EMB: variants seen among roughly 807,000 people sequenced by gnomAD.
EMB encodes embigin homolog.
Under a neutral mutation model 41.4 loss-of-function variants are expected in EMB, and 31 were observed. That is an observed-to-expected ratio of 0.75 (90% CI 0.56 to 1.01). The LOEUF (loss-of-function observed/expected upper bound fraction) is 1.01, where lower values mean the gene tolerates loss of function less well. Ranked by LOEUF, EMB falls within the 50% of genes least tolerant of loss-of-function variation. The pLI, the probability that EMB is intolerant of heterozygous loss-of-function variation, is 0.00. For missense variants in EMB, 379 were observed against 388.3 expected (o/e 0.98, Z 0.20); for synonymous variants, 137 against 140.4 (o/e 0.98, Z 0.17).
intron 2 of EMB, among the ~76,000 whole-genome samples, chr5:50,414,602 T>C (rs1245587046): frequency 6.8e-6 from 1 of 146,896 alleles, no homozygotes; most frequent in Admixed American, 6.8e-5. Context: ...AATGCTTCCA[T>C]AAGCAAGGAC....
intron 8 of EMB, among the ~76,000 whole-genome samples, chr5:50,399,493 TA>T (rs1396857235): frequency 1.3e-5 from 2 of 151,930 alleles, no homozygotes; most frequent in Non-Finnish European, 2.9e-5. Flanking sequence ...CATAAGTTTA[TA>T]CCCCCAAATA....
At chr5:50,426,367 T>C (rs1214701275) in intron 2 of EMB, among the ~76,000 whole-genome samples, 2 of 152,226 alleles carry the variant, frequency 1.3e-5, no homozygotes, top group African/African-American at 4.8e-5. Context: ...ACAAACATGG[T>C]ACATAGTCAA....
chr5:50,409,347 G>T (rs569522311), intron 4 of EMB, among the ~76,000 whole-genome samples: 2 of 151,912 alleles, frequency 1.3e-5, no homozygotes, highest in South Asian at 4.2e-4. Flanking sequence ...TTGAAAGCAG[G>T]TATGACTAGT....
intron 1 of EMB, among the ~76,000 whole-genome samples, chr5:50,430,003 T>A (rs62365899): frequency 0.46 from 66,290 of 143,050 alleles, 15,529 homozygotes; most frequent in African/African-American, 0.53. Flanking sequence ...TCTCTCTCTC[T>A]CTCACACACA....
chr5:50,440,726 C>A (rs962751497), intron 1 of EMB, among the ~76,000 whole-genome samples: 6 of 152,096 alleles, frequency 3.9e-5, no homozygotes, highest in African/African-American at 1.4e-4. Context: ...CACCCACACA[C>A]CCCACTGCCT....
intron 1 of EMB, among the ~76,000 whole-genome samples, chr5:50,439,516 G>C (rs1745861050): frequency 6.7e-6 from 1 of 149,962 alleles, no homozygotes. Flanking sequence ...TAATAAAGAA[G>C]GGACCTTGCT....
intron 1 of EMB, among the ~76,000 whole-genome samples, chr5:50,437,329 G>C (rs546129013): frequency 6.6e-6 from 1 of 152,280 alleles, no homozygotes; most frequent in East Asian, 1.9e-4. Flanking sequence ...TGGTTCATCT[G>C]TTCCATTTAA....
rs998468467 is a variant in EMB, at chr5:50,399,116, T to G, written c.*157A>C. The G allele has an allele frequency of 2.2e-6, 2 of 907,458 alleles. No homozygotes were observed. The allele number at this position is 907,458 out of a possible 1,614,324, so 56.2% of individuals were successfully genotyped here. A position where few individuals can be genotyped will look rare whatever the true frequency, so the allele number is the denominator to read the frequency against. On this transcript the variant is annotated 3_prime_UTR_variant, in exon 9 of 9. Coordinates refer to ENST00000303221, the MANE Select transcript of EMB (RefSeq NM_198449.3). ...CAGAATGAAAATATACCTTTAGATC[T>G]GACATATATCGTTGATGAAGCTCCT...
chr5:50,404,760 A>C (rs1745221855), intron 5 of EMB, among the ~76,000 whole-genome samples: 1 of 151,940 alleles, frequency 6.6e-6, no homozygotes, highest in African/African-American at 2.4e-5. Context: ...CCATCAGAAG[A>C]CATAAAGGAG....
intron 5 of EMB, 81 bp downstream of exon 5, chr5:50,405,644 T>C: frequency 2.7e-6 from 4 of 1,486,570 alleles, no homozygotes; most frequent in Non-Finnish European, 3.6e-6. Flanking sequence ...TTAGGAATGC[T>C]GAGTCTGTTA....
chr5:50,415,180 G>A (rs769024996), intron 2 of EMB, among the ~76,000 whole-genome samples: 1 of 151,982 alleles, frequency 6.6e-6, no homozygotes, highest in Admixed American at 6.6e-5. Context: ...AAACAAATTT[G>A]CCCAGTTTTA....
chr5:50,430,375 G>T (rs938766253), intron 1 of EMB, among the ~76,000 whole-genome samples: 4 of 152,098 alleles, frequency 2.6e-5, no homozygotes, highest in Admixed American at 2.0e-4. Context: ...ACCTTTTTGA[G>T]ATTTCCAGCA....
intron 4 of EMB, among the ~76,000 whole-genome samples, chr5:50,408,895 T>C (rs1240825550): frequency 1.3e-5 from 2 of 152,080 alleles, no homozygotes; most frequent in East Asian, 1.9e-4. Context: ...AGATGAATTA[T>C]AGGGAATTTT....
intron 4 of EMB, among the ~76,000 whole-genome samples, chr5:50,408,182 T>C (rs1745278357): frequency 6.6e-6 from 1 of 152,014 alleles, no homozygotes; most frequent in Non-Finnish European, 1.5e-5. Flanking sequence ...CAAAATCTCA[T>C]CATGACTTCC....
At chr5:50,416,490 A>C (rs1413295787) in intron 2 of EMB, among the ~76,000 whole-genome samples, 3 of 152,204 alleles carry the variant, frequency 2.0e-5, no homozygotes, top group African/African-American at 7.2e-5. Context: ...ACTAGAAATA[A>C]AAGTCTGCTT....
At chr5:50,436,997 A>C (rs1745814378) in intron 1 of EMB, among the ~76,000 whole-genome samples, 1 of 152,216 alleles carries the variant, frequency 6.6e-6, no homozygotes, top group South Asian at 2.1e-4. Flanking sequence ...TAGGCTGGGC[A>C]CCGTAGCTCT....
intron 6 of EMB, 128 bp downstream of exon 6, chr5:50,403,050 A>G: frequency 1.2e-6 from 1 of 855,890 alleles, no homozygotes; most frequent in East Asian, 2.7e-5. Context: ...GAAAATGAAG[A>G]TTTTCCCCAA....
intron 1 of EMB, 92 bp from the exon 2 acceptor site, chr5:50,428,319 A>C (rs2111846713): frequency 7.9e-6 from 10 of 1,267,912 alleles, no homozygotes; most frequent in Non-Finnish European, 9.7e-6. Flanking sequence ...ACTGTTGTGA[A>C]CTATTAATGA....
At chr5:50,410,850 A>G (rs757729611) in intron 4 of EMB, 27 bp downstream of exon 4, 9 of 1,352,880 alleles carry the variant, frequency 6.7e-6, no homozygotes, top group Non-Finnish European at 8.2e-6. Flanking sequence ...GAAGTTATTA[A>G]CTATTCCTCA....
Sources: allele counts gnomAD v4.1 joint callset (sites outside exome capture counted in the v4.1 genomes callset), GRCh38; gene constraint gnomAD v4.1.1; transcripts MANE v1.5; gene names NCBI Gene and HGNC (gene_info 2026-07-23, HGNC 2026-07-21).